Variants in PIP4K2A observed in about 807,000 individuals in gnomAD.
PIP4K2A encodes the protein phosphatidylinositol-5-phosphate 4-kinase type 2 alpha.
Under a neutral mutation model 42.9 loss-of-function variants are expected in PIP4K2A, and 14 were observed. The ratio of observed to expected loss-of-function variants is 0.33; its 90% CI spans 0.22 to 0.51. PIP4K2A has a LOEUF of 0.51. PIP4K2A is among the 20% of genes least tolerant of loss of function. The probability of loss-of-function intolerance (pLI) is 0.97; values close to 1 mark genes in which losing one functional copy is unlikely to be tolerated. For synonymous variants in PIP4K2A, 192 were observed against 192.2 expected (o/e 1.00, Z 0.01); for missense variants, 434 against 519.8 (o/e 0.83, Z 1.61).
intron 1 of PIP4K2A, among the ~76,000 whole-genome samples, chr10:22,676,385 C>T (rs1479067878): frequency 3.9e-5 from 6 of 152,162 alleles, no homozygotes; most frequent in Non-Finnish European, 1.5e-5. Flanking sequence ...ACTTCAAGGA[C>T]CAGTCTTCAT....
At chr10:22,609,070 C>A (rs1475282999) in intron 2 of PIP4K2A, among the ~76,000 whole-genome samples, 1 of 152,198 alleles carries the variant, frequency 6.6e-6, no homozygotes, top group South Asian at 2.1e-4. Context: ...GTACTCTGAG[C>A]CCCTTGAGGG....
chr10:22,549,249 A>G (rs1836334799), intron 7 of PIP4K2A, among the ~76,000 whole-genome samples: 1 of 152,218 alleles, frequency 6.6e-6, no homozygotes, highest in African/African-American at 2.4e-5. Context: ...TCTTGTAATA[A>G]AAAGAACTGT....
intron 1 of PIP4K2A, among the ~76,000 whole-genome samples, chr10:22,610,743 T>C (rs1373265365): frequency 6.6e-6 from 1 of 152,198 alleles, no homozygotes; most frequent in East Asian, 1.9e-4. Flanking sequence ...CAACACTTAC[T>C]TGGGCCAAAC....
chr10:22,659,261 G>A (rs937141333), intron 1 of PIP4K2A, among the ~76,000 whole-genome samples: 3 of 152,050 alleles, frequency 2.0e-5, no homozygotes, highest in African/African-American at 7.2e-5. Flanking sequence ...CGTCTTTATG[G>A]CCACAAAAGG....
Position 22,673,536 on chromosome 10 carries a change from T to G in PIP4K2A, c.144+40647A>C, listed in dbSNP as rs191566044. Among the ~76,000 whole-genome samples the G allele has an allele frequency of 7.2e-5, 11 of 152,052 alleles. No homozygotes were observed. In the East Asian group the frequency reaches 1.2e-3, roughly 16 times the overall value. On this transcript the variant is annotated intron_variant, in intron 1 of 9. Coordinates refer to ENST00000376573, the MANE Select transcript of PIP4K2A (RefSeq NM_005028.5). ...AAAGACAGTTTAAAAAGAATAAAAA[T>G]TATTCTAATACAATTTAAACATACA...
At chr10:22,539,377 T>C (rs1836025977) in intron 9 of PIP4K2A, 1 of 152,568 alleles carries the variant, frequency 6.6e-6, no homozygotes, top group African/African-American at 2.4e-5. Context: ...CAGTGAAAAC[T>C]CCCATCAAGC....
intron 1 of PIP4K2A, among the ~76,000 whole-genome samples, chr10:22,664,130 CATATATATA>C (rs1839282729): frequency 2.5e-5 from 1 of 40,216 alleles, no homozygotes; most frequent in African/African-American, 2.5e-4. Flanking sequence ...TATATATATA[CATATATATA>C]TACATATATA....
At chr10:22,712,216 C>T (rs1420589731) in intron 1 of PIP4K2A, among the ~76,000 whole-genome samples, 4 of 152,226 alleles carry the variant, frequency 2.6e-5, no homozygotes, top group Non-Finnish European at 4.4e-5. Context: ...AAAATATTTC[C>T]AATTAGCAAG....
chr10:22,691,552 C>A (rs894102858), intron 1 of PIP4K2A: 5 of 152,070 alleles, frequency 3.3e-5, no homozygotes, highest in African/African-American at 1.2e-4. Context: ...AATCTAAGTC[C>A]TCACATGATC....
chr10:22,595,582 C>T (rs1400188657), intron 3 of PIP4K2A, among the ~76,000 whole-genome samples: 1 of 152,012 alleles, frequency 6.6e-6, no homozygotes, highest in Non-Finnish European at 1.5e-5. Context: ...CGTGGTGAAA[C>T]CCGGTCTCCA....
At chr10:22,637,711 T>C (rs1482254095) in intron 1 of PIP4K2A, among the ~76,000 whole-genome samples, 1 of 152,184 alleles carries the variant, frequency 6.6e-6, no homozygotes, top group Non-Finnish European at 1.5e-5. Flanking sequence ...GCAGCAACCA[T>C]GCTGCCCAGA....
At chr10:22,608,285 T>C (rs1260066404) in intron 2 of PIP4K2A, among the ~76,000 whole-genome samples, 5 of 152,108 alleles carry the variant, frequency 3.3e-5, no homozygotes, top group Admixed American at 1.3e-4. Context: ...ACTGCAGCCA[T>C]TCCTCAAAGA....
intron 6 of PIP4K2A, among the ~76,000 whole-genome samples, chr10:22,559,957 G>A (rs768098677): frequency 9.2e-5 from 14 of 152,116 alleles, no homozygotes; most frequent in Non-Finnish European, 5.9e-5. Context: ...CCTCTGTTTG[G>A]AGTCCTTCAC....
At chr10:22,678,697 G>A (rs1381850349) in intron 1 of PIP4K2A, among the ~76,000 whole-genome samples, 1 of 152,110 alleles carries the variant, frequency 6.6e-6, no homozygotes, top group South Asian at 2.1e-4. Context: ...CTTAGATTCC[G>A]AAGGAAGCTT....
chr10:22,576,430 A>G (rs562295976), intron 4 of PIP4K2A, among the ~76,000 whole-genome samples: 1 of 152,274 alleles, frequency 6.6e-6, no homozygotes, highest in African/African-American at 2.4e-5. Context: ...GTTAACTCCA[A>G]GGATTCCTAC....
intron 6 of PIP4K2A, among the ~76,000 whole-genome samples, chr10:22,563,800 ACAGCAC>A (rs1372541320): frequency 2.0e-5 from 3 of 152,196 alleles, no homozygotes. Context: ...GTAAGTAACG[ACAGCAC>A]CAATCTCATC....
At chr10:22,625,108 G>C (rs991231237) in intron 1 of PIP4K2A, among the ~76,000 whole-genome samples, 1 of 152,092 alleles carries the variant, frequency 6.6e-6, no homozygotes, top group Non-Finnish European at 1.5e-5. Context: ...TAATAATTTC[G>C]TATGATTTAG....
At position 22,607,921 on chromosome 10, in the gene PIP4K2A, A is replaced by G; in HGVS notation, c.339+6T>C. ...ACTGGAAGCAAATGTTACAAACGCA[A>G]CTCACCTGGAAATCTTGATCATCAA... On this transcript the variant is annotated splice_donor_region_variant and intron_variant, in intron 3 of 9. Transcript: ENST00000376573. The G allele has an allele frequency of 6.3e-7, 1 of 1,596,214 alleles. No homozygotes were observed. The highest frequency in any genetic ancestry group is 8.6e-7 in the Non-Finnish European group (1 of 1,164,222).
intron 1 of PIP4K2A, among the ~76,000 whole-genome samples, chr10:22,646,661 G>A (rs1422785449): frequency 2.0e-5 from 3 of 152,292 alleles, no homozygotes; most frequent in African/African-American, 4.8e-5. Flanking sequence ...TACAACCTGC[G>A]TTTGTAACTT....
Sources: gnomAD v4.1 joint callset for allele counts (sites outside exome capture counted in the v4.1 genomes callset) on GRCh38, gnomAD v4.1.1 for gene constraint, MANE v1.5 for transcripts, NCBI Gene and HGNC (gene_info 2026-07-23, HGNC 2026-07-21) for gene names.